The following FMR1NB variants were observed in gnomAD, a reference collection of about 807,000 sequenced individuals.
FMR1NB encodes FMR1 neighbor, also known as FMR1 neighbor protein.
FMR1NB carries 10 observed loss-of-function variants against 16.8 expected under a neutral mutation model. The ratio of observed to expected loss-of-function variants is 0.60; its 90% CI spans 0.37 to 1.01. The LOEUF (loss-of-function observed/expected upper bound fraction) is 1.01, where lower values mean the gene tolerates loss of function less well. FMR1NB is among the 50% of genes least tolerant of loss of function. FMR1NB has a pLI of 0.01. For synonymous variants in FMR1NB, 83 were observed against 79.1 expected, an observed-to-expected ratio of 1.05 and a Z score of -0.26; for missense variants, 205 against 204.8, an observed-to-expected ratio of 1.00 and a Z score of 0.00.
intron 1 of FMR1NB, among the ~76,000 whole-genome samples, chrX:147,982,547 C>T (rs1270710293): frequency 1.0e-5 from 1 of 98,612 alleles, no homozygotes; most frequent in Non-Finnish European, 2.0e-5. Flanking sequence ...TGAGATCGCA[C>T]CACTGCACTC....
intron 5 of FMR1NB, chrX:148,025,863 C>A (rs187245888): frequency 5.4e-5 from 6 of 111,748 alleles, no homozygotes; most frequent in Non-Finnish European, 9.4e-5. Flanking sequence ...CATTGAATTC[C>A]GTGTCAGGAG....
intron 1 of FMR1NB, among the ~76,000 whole-genome samples, chrX:147,998,287 A>C (rs909034575): frequency 1.2e-4 from 14 of 112,409 alleles, no homozygotes; most frequent in African/African-American, 4.5e-4. Context: ...AAAAAGAATG[A>C]GTTCATGTCC....
chrX:148,019,367 G>A (rs1430009498), intron 4 of FMR1NB, among the ~76,000 whole-genome samples: 2 of 112,238 alleles, frequency 1.8e-5, no homozygotes, highest in African/African-American at 6.5e-5. Flanking sequence ...TTCTTTGTTT[G>A]AAAGATAATA....
At position 147,999,120 on chromosome X, in the gene FMR1NB, G is replaced by C. The variant is rs1345164488; in HGVS notation, c.278-4081G>C. Among the ~76,000 whole-genome samples the C allele has an allele frequency of 1.6e-4, 18 of 111,823 alleles. No individual in the cohort carries two copies. In the Admixed American group the frequency reaches 1.7e-3, roughly 11 times the overall value. On this transcript the variant is annotated intron_variant, in intron 1 of 5. Coordinates refer to ENST00000370467, the MANE Select transcript of FMR1NB (RefSeq NM_152578.3). The stretch of plus-strand genomic sequence containing the variant: ...CAACTTGTGTTTCATGTCAAGCCAA[G>C]GGCAAGCCTGTCCAGCAGGGTCTGG...
intron 2 of FMR1NB, among the ~76,000 whole-genome samples, chrX:148,005,151 G>A (rs1313259329): frequency 8.9e-6 from 1 of 112,531 alleles, no homozygotes; most frequent in Admixed American, 9.4e-5. Context: ...GGCTCCCAAA[G>A]TGCTGGGATT....
chrX:148,023,137 T>C (rs976718028), intron 4 of FMR1NB, among the ~76,000 whole-genome samples: 1 of 111,706 alleles, frequency 9.0e-6, no homozygotes, highest in African/African-American at 3.3e-5. Flanking sequence ...GTATTCAATA[T>C]ATCGTGTCAT....
At chrX:147,994,833 TA>T (rs2044533995) in intron 1 of FMR1NB, among the ~76,000 whole-genome samples, 2 of 112,591 alleles carry the variant, frequency 1.8e-5, no homozygotes, top group African/African-American at 6.5e-5. Flanking sequence ...GAATTAAATT[TA>T]ATTTGCATTT....
At chrX:147,986,991 T>C (rs1390995926) in intron 1 of FMR1NB, among the ~76,000 whole-genome samples, 2 of 111,697 alleles carry the variant, frequency 1.8e-5, no homozygotes, top group African/African-American at 6.5e-5. Context: ...TCGTCTCTTA[T>C]TTCCTTGAGC....
chrX:147,990,352 GT>G (rs1220453833), intron 1 of FMR1NB, among the ~76,000 whole-genome samples: 1 of 111,579 alleles, frequency 9.0e-6, no homozygotes, highest in Non-Finnish European at 1.9e-5. Context: ...GATGAACAGG[GT>G]ACCTCAGTTG....
At chrX:148,012,127 A>G (rs1557189679) in intron 4 of FMR1NB, among the ~76,000 whole-genome samples, 16 of 111,438 alleles carry the variant, frequency 1.4e-4, no homozygotes. Flanking sequence ...AGAAGGAAGG[A>G]AAAGATCAAG....
chrX:148,007,857 C>T (rs2044604803), intron 3 of FMR1NB, among the ~76,000 whole-genome samples: 1 of 111,462 alleles, frequency 9.0e-6, no homozygotes, highest in Admixed American at 9.6e-5. Flanking sequence ...AAAACCTGAT[C>T]GTGAATATAA....
At chrX:148,017,809 G>A (rs1342735877) in intron 4 of FMR1NB, among the ~76,000 whole-genome samples, 6 of 103,280 alleles carry the variant, frequency 5.8e-5, no homozygotes, top group East Asian at 6.2e-4. Context: ...TTGTTCTTGC[G>A]ATAGTTTACT....
rs2044663194 is a variant in FMR1NB, at chrX:148,018,669, T to G, written c.633-6196T>G. ...CCTTCCTTACACCTTATACAAAAAT[T>G]AATTCAAGATGGATTAAAGACTTAA... is the stretch of plus-strand genomic sequence containing the variant. On this transcript the variant is annotated intron_variant, in intron 4 of 5. Transcript: ENST00000370467. Among the ~76,000 whole-genome samples, 4 of 108,670 alleles carry G rather than the reference T, an allele frequency of 3.7e-5. No homozygotes were observed. The South Asian group carries it at 1.2e-3, about 33-fold the overall frequency. 94.4% of individuals were successfully genotyped at this position (108,670 alleles called of 115,157 possible). A position where few individuals can be genotyped will look rare whatever the true frequency, so the allele number is the denominator to read the frequency against.
At position 147,981,413 on chromosome X, in the gene FMR1NB, A is replaced by G. The variant is rs782329475; in HGVS notation, c.11A>G (p.His4Arg). The G allele has an allele frequency of 8.3e-7, 1 of 1,207,822 alleles. No individual in the cohort carries two copies. Among genetic ancestry groups the G allele is most frequent in the Admixed American group, 2.2e-5 (1 of 45,705 alleles). The stretch of plus-strand genomic sequence containing the variant: ...GCGGCACCCGGAGCCATGTCTTCAC[A>G]TAGGAGGAAAGCGAAGGGGAGGAAT... MSS[H>R]RRKAKGRNRR... Residue 4 changes from histidine (H) to arginine (R), a missense_variant, in exon 1 of 6, where the codon CAT becomes CGT. Coordinates refer to ENST00000370467, the MANE Select transcript of FMR1NB (RefSeq NM_152578.3).
chrX:148,015,016 T>C (rs2044643026), intron 4 of FMR1NB, among the ~76,000 whole-genome samples: 2 of 111,712 alleles, frequency 1.8e-5, no homozygotes, highest in East Asian at 2.8e-4. Flanking sequence ...GTTATTGGTC[T>C]ATTCGGGTTT....
At chrX:148,011,061 C>G in intron 4 of FMR1NB, among the ~76,000 whole-genome samples, 1 of 110,543 alleles carries the variant, frequency 9.0e-6, no homozygotes. Flanking sequence ...GTCAGGAGTT[C>G]GAGACCAGCC....
intron 1 of FMR1NB, among the ~76,000 whole-genome samples, chrX:147,998,682 T>TA (rs1381310000): frequency 8.9e-6 from 1 of 112,842 alleles, no homozygotes; most frequent in Admixed American, 9.3e-5. Flanking sequence ...TTTGATATGT[T>TA]ACTCATTTTT....
chrX:148,018,199 C>T (rs1265594606), intron 4 of FMR1NB, among the ~76,000 whole-genome samples: 1 of 111,269 alleles, frequency 9.0e-6, no homozygotes, highest in Non-Finnish European at 1.9e-5. Context: ...TCTCCAGCAC[C>T]TGTTGTTTCC....
intron 1 of FMR1NB, among the ~76,000 whole-genome samples, chrX:147,984,940 A>G (rs1389099733): frequency 8.9e-6 from 1 of 112,043 alleles, no homozygotes; most frequent in Admixed American, 9.5e-5. Context: ...ATCAATTGAG[A>G]TATGAAATTG....
Sources: allele counts gnomAD v4.1 joint callset (sites outside exome capture counted in the v4.1 genomes callset), GRCh38; gene constraint gnomAD v4.1.1; transcripts MANE v1.5; gene names NCBI Gene and HGNC (gene_info 2026-07-23, HGNC 2026-07-21).